KCND2: variants seen among roughly 807,000 people sequenced by gnomAD.
The protein encoded by KCND2 is potassium voltage-gated channel subfamily D member 2, also known as A-type voltage-gated potassium channel KCND2.
Under a neutral mutation model 54.4 loss-of-function variants are expected in KCND2, and 16 were observed. The observed-to-expected ratio is 0.29, with a 90% CI of 0.20 to 0.45. KCND2 has a LOEUF of 0.45. KCND2 is among the 20% of genes least tolerant of loss of function. KCND2 has a pLI of 1.00. For missense variants in KCND2, 486 were observed against 824.2 expected (o/e 0.59, Z 5.02); for synonymous variants, 317 against 310.7 (o/e 1.02, Z -0.21).
At chr7:120,641,876 G>A (rs1793381246) in intron 1 of KCND2, among the ~76,000 whole-genome samples, 1 of 146,312 alleles carries the variant, frequency 6.8e-6, no homozygotes, top group African/African-American at 2.5e-5. Flanking sequence ...AAGAAGAAAA[G>A]CACAGCGCTT....
intron 1 of KCND2, among the ~76,000 whole-genome samples, chr7:120,585,654 C>T (rs920119621): frequency 6.6e-6 from 1 of 152,000 alleles, no homozygotes; most frequent in Non-Finnish European, 1.5e-5. Context: ...AGGTGTCATC[C>T]ATATAAATAG....
intron 1 of KCND2, among the ~76,000 whole-genome samples, chr7:120,593,302 A>G (rs1792693793): frequency 6.6e-6 from 1 of 152,206 alleles, no homozygotes; most frequent in African/African-American, 2.4e-5. Flanking sequence ...TACTTGATTT[A>G]GGGTAGAACA....
chr7:120,474,520 C>CTT (rs746574292), intron 1 of KCND2, among the ~76,000 whole-genome samples: 4 of 140,902 alleles, frequency 2.8e-5, no homozygotes, highest in African/African-American at 1.0e-4. Context: ...TTTTTCTTTA[C>CTT]TTTTTTTTTT....
intron 1 of KCND2, among the ~76,000 whole-genome samples, chr7:120,511,758 G>A (rs1803119214): frequency 6.6e-6 from 1 of 152,070 alleles, no homozygotes; most frequent in African/African-American, 2.4e-5. Flanking sequence ...CTATCTCGCA[G>A]ATTTTAATGA....
intron 1 of KCND2, among the ~76,000 whole-genome samples, chr7:120,333,681 TTTA>T (rs1584734567): frequency 6.6e-6 from 1 of 152,092 alleles, no homozygotes; most frequent in Non-Finnish European, 1.5e-5. Flanking sequence ...ATTTATTGAT[TTTA>T]TTATTATTAT....
chr7:120,550,671 C>G (rs1328835144), intron 1 of KCND2, among the ~76,000 whole-genome samples: 1 of 152,118 alleles, frequency 6.6e-6, no homozygotes, highest in Non-Finnish European at 1.5e-5. Context: ...TTCTAGGTCT[C>G]CAGGGAGTCA....
chr7:120,546,607 C>T (rs1434782384), intron 1 of KCND2, among the ~76,000 whole-genome samples: 1 of 151,870 alleles, frequency 6.6e-6, no homozygotes, highest in Non-Finnish European at 1.5e-5. Context: ...CATTCATGTC[C>T]TTTATTTGTA....
At chr7:120,424,392 A>G (rs966018598) in intron 1 of KCND2, among the ~76,000 whole-genome samples, 17 of 152,240 alleles carry the variant, frequency 1.1e-4, no homozygotes, top group Admixed American at 4.6e-4. Context: ...CTCCATGGAA[A>G]GAGTGAATAT....
chr7:120,447,685 A>C (rs1408133074), intron 1 of KCND2, among the ~76,000 whole-genome samples: 1 of 152,202 alleles, frequency 6.6e-6, no homozygotes, highest in East Asian at 1.9e-4. Context: ...CTAATTTCTA[A>C]GACATTTTAC....
intron 2 of KCND2, among the ~76,000 whole-genome samples, chr7:120,740,092 G>A (rs1792922322): frequency 6.6e-6 from 1 of 152,002 alleles, no homozygotes; most frequent in Non-Finnish European, 1.5e-5. Flanking sequence ...AAATGCAGAA[G>A]AGTGTGCAGA....
chr7:120,601,059 A>C (rs10272979), intron 1 of KCND2, among the ~76,000 whole-genome samples: 17,956 of 152,092 alleles, frequency 0.12, 1,736 homozygotes, highest in African/African-American at 0.28. Context: ...AATCACTATA[A>C]ACATTTCTTA....
At chr7:120,575,337 A>T (rs1792417631) in intron 1 of KCND2, among the ~76,000 whole-genome samples, 1 of 152,142 alleles carries the variant, frequency 6.6e-6, no homozygotes, top group Admixed American at 6.5e-5. Context: ...AAAACTGAAT[A>T]ACTTGTCCAG....
At chr7:120,638,362 A>G (rs79927390) in intron 1 of KCND2, among the ~76,000 whole-genome samples, 1,700 of 152,256 alleles carry the variant, frequency 0.011, 10 homozygotes, top group Non-Finnish European at 0.015. Flanking sequence ...GACAAGTTTG[A>G]TGTCAGAAGT....
intron 1 of KCND2, among the ~76,000 whole-genome samples, chr7:120,413,840 G>A (rs1298747458): frequency 6.6e-6 from 1 of 151,650 alleles, no homozygotes; most frequent in Non-Finnish European, 1.5e-5. Context: ...TCTATGGAAG[G>A]CTTAGATGAA....
intron 1 of KCND2, among the ~76,000 whole-genome samples, chr7:120,318,321 A>G (rs759294788): frequency 3.3e-5 from 5 of 152,136 alleles, no homozygotes; most frequent in Non-Finnish European, 7.4e-5. Context: ...AAGAATGATT[A>G]CATATAAAAT....
chr7:120,481,076 G>A (rs113802508), intron 1 of KCND2, among the ~76,000 whole-genome samples: 4 of 152,172 alleles, frequency 2.6e-5, no homozygotes, highest in African/African-American at 4.8e-5. Context: ...CTGGTAGAAC[G>A]CCATACCAAT....
intron 1 of KCND2, among the ~76,000 whole-genome samples, chr7:120,575,738 C>A (rs1237597700): frequency 6.6e-6 from 1 of 152,138 alleles, no homozygotes; most frequent in Admixed American, 6.6e-5. Flanking sequence ...CAAACGAATA[C>A]GTTCTTATTT....
chr7:120,397,543 A>G (rs774991951), intron 1 of KCND2, among the ~76,000 whole-genome samples: 1 of 152,148 alleles, frequency 6.6e-6, no homozygotes, highest in Admixed American at 6.6e-5. Context: ...CATTTTGCTA[A>G]GTTTAATAAT....
At chr7:120,319,760 T>C (rs993341801) in intron 1 of KCND2, among the ~76,000 whole-genome samples, 1 of 152,156 alleles carries the variant, frequency 6.6e-6, no homozygotes, top group African/African-American at 2.4e-5. Flanking sequence ...AATGTAATTA[T>C]GGTATTTTTT....
Sources: gnomAD v4.1 joint callset for allele counts (sites outside exome capture counted in the v4.1 genomes callset) on GRCh38, gnomAD v4.1.1 for gene constraint, MANE v1.5 for transcripts, NCBI Gene and HGNC (gene_info 2026-07-23, HGNC 2026-07-21) for gene names.